Variants in PCDHGB3 observed in about 807,000 individuals in gnomAD.
PCDHGB3 encodes the protein protocadherin gamma-B3.
In PCDHGB3, 40 loss-of-function variants were observed where a neutral mutation model predicts 59.2. The ratio of observed to expected loss-of-function variants is 0.68; its 90% CI spans 0.52 to 0.88. PCDHGB3 has a LOEUF of 0.88. Among genes scored for constraint, PCDHGB3 ranks in the 40% least tolerant of loss-of-function variants. The pLI is 0.00. For synonymous variants in PCDHGB3, 581 were observed against 503.6 expected (o/e 1.15, Z -2.06); for missense variants, 1,309 against 1,187.9 (o/e 1.10, Z -1.50).
chr5:141,376,773 G>C (rs1773367206), intron 1 of PCDHGB3: 1 of 400,516 alleles, frequency 2.5e-6, no homozygotes, highest in South Asian at 3.1e-5. Context: ...TGCAAGCTCC[G>C]CTTCCCGGGT....
chr5:141,472,364 AC>A (rs2099278314), intron 1 of PCDHGB3, among the ~76,000 whole-genome samples: 1 of 151,866 alleles, frequency 6.6e-6, no homozygotes, highest in Non-Finnish European at 1.5e-5. Flanking sequence ...ACACGGTGAA[AC>A]CCCGTCTCCA....
chr5:141,470,323 A>C (rs1029928511), intron 1 of PCDHGB3, among the ~76,000 whole-genome samples: 1 of 152,188 alleles, frequency 6.6e-6, no homozygotes, highest in African/African-American at 2.4e-5. Flanking sequence ...AAATGATCCC[A>C]TAATTTGACC....
chr5:141,379,652 T>C (rs905079980), intron 1 of PCDHGB3: 2 of 152,132 alleles, frequency 1.3e-5, no homozygotes, highest in Non-Finnish European at 2.9e-5. Flanking sequence ...ACTACCAACT[T>C]CTACTCTCAC....
At chr5:141,425,957 C>A (rs1317696447) in intron 1 of PCDHGB3, among the ~76,000 whole-genome samples, 1 of 152,140 alleles carries the variant, frequency 6.6e-6, no homozygotes, top group Non-Finnish European at 1.5e-5. Context: ...TACATTAGTC[C>A]AACACATCAG....
chr5:141,436,040 C>A (rs989038133), intron 1 of PCDHGB3, among the ~76,000 whole-genome samples: 2 of 152,060 alleles, frequency 1.3e-5, no homozygotes, highest in African/African-American at 4.8e-5. Context: ...TTTGTATTTA[C>A]ATTAGTTTTC....
intron 1 of PCDHGB3, chr5:141,415,337 G>A: frequency 1.2e-6 from 2 of 1,614,210 alleles, no homozygotes; most frequent in Non-Finnish European, 1.7e-6. Flanking sequence ...CACAGGCTGC[G>A]GCGCTGGCAC....
At chr5:141,421,788 G>C (rs1262781272) in intron 1 of PCDHGB3, 7 of 1,613,682 alleles carry the variant, frequency 4.3e-6, no homozygotes, top group Admixed American at 3.3e-5. Flanking sequence ...GGGGCAGAAC[G>C]GATGGGGCCA....
intron 1 of PCDHGB3, chr5:141,389,495 G>A (rs751415442): frequency 4.3e-6 from 7 of 1,613,020 alleles, no homozygotes; most frequent in Non-Finnish European, 5.9e-6. Context: ...ACCAGGGCTC[G>A]CCAGCGCTCA....
rs762943415 is a variant in PCDHGB3 at position 141,371,924 on chromosome 5, G to C, written c.1530G>C (p.Arg510=). The C allele has an allele frequency of 6.2e-7, 1 of 1,613,364 alleles. No homozygotes were observed. Among genetic ancestry groups the C allele is most frequent in the Admixed American group, 1.7e-5 (1 of 60,038 alleles). The part of the protein sequence containing the change: ...ELSSYVSVSA[R]SGVVFAQRAF... ...CGTCCTACGTGTCCGTGAGCGCGCG[G>C]AGCGGGGTGGTGTTCGCGCAGCGAG... Residue 510 remains arginine (R), a synonymous_variant, in exon 1 of 4, where the codon CGG becomes CGC. Transcript: ENST00000576222.
intron 1 of PCDHGB3, chr5:141,394,449 A>G (rs773696678): frequency 2.5e-6 from 4 of 1,614,112 alleles, no homozygotes; most frequent in Admixed American, 1.7e-5. Context: ...CAGCAGCAAC[A>G]TGTCACTGAG....
At chr5:141,381,977 G>T (rs61025717) in intron 1 of PCDHGB3, among the ~76,000 whole-genome samples, 22 of 151,370 alleles carry the variant, frequency 1.5e-4, no homozygotes, top group African/African-American at 5.3e-4. Context: ...TTACAGGCGC[G>T]CGCCACCACG....
Position 141,489,806 on chromosome 5 carries a change from A to G in PCDHGB3, c.2416-5001A>G. 1 of 1,614,198 alleles carries G rather than the reference A, an allele frequency of 6.2e-7. No homozygotes were observed. Among genetic ancestry groups the G allele is most frequent in the South Asian group, 1.1e-5 (1 of 91,082 alleles). Reference sequence around the variant, plus strand: ...AATGTGAAGACCCTAAAAGATGGGAAGCCATTCCCAGAGCTGGTGCTAGAG... The same window carrying G: ...AATGTGAAGACCCTAAAAGATGGGAGGCCATTCCCAGAGCTGGTGCTAGAG... On this transcript the variant is annotated intron_variant, in intron 1 of 3. Coordinates refer to ENST00000576222, the MANE Select transcript of PCDHGB3 (RefSeq NM_018924.5). The surrounding 1 kb of genome is among the most constrained non-coding windows in gnomAD (Gnocchi z 4.5).
At chr5:141,481,346 C>T (rs2099536003) in intron 1 of PCDHGB3, among the ~76,000 whole-genome samples, 1 of 152,248 alleles carries the variant, frequency 6.6e-6, no homozygotes, top group Non-Finnish European at 1.5e-5. Context: ...ATTATTTAAA[C>T]ATCTACAGCT....
intron 1 of PCDHGB3, among the ~76,000 whole-genome samples, chr5:141,434,495 G>A (rs1414485396): frequency 6.6e-6 from 1 of 152,220 alleles, no homozygotes; most frequent in Non-Finnish European, 1.5e-5. Flanking sequence ...GGCCCGCCCA[G>A]GGCAGAAAAC....
chr5:141,382,997 A>G lies in PCDHGB3; in HGVS notation c.2415+10188A>G, dbSNP rs1209270277. On this transcript the variant is annotated intron_variant, in intron 1 of 3. Transcript: ENST00000576222. Reference sequence around the variant, plus strand: ...GAAGCCTGGGCAGGACGTATTCTCTACTCCGTGTCGGAGGAGACGGACAAA... The same window carrying G: ...GAAGCCTGGGCAGGACGTATTCTCTGCTCCGTGTCGGAGGAGACGGACAAA... 1 of 1,613,426 alleles carries G rather than the reference A, an allele frequency of 6.2e-7. No individual in the cohort carries two copies. Among genetic ancestry groups the G allele is most frequent in the Non-Finnish European group, 8.5e-7 (1 of 1,179,728 alleles).
intron 1 of PCDHGB3, chr5:141,415,732 T>G (rs1159160519): frequency 5.0e-6 from 7 of 1,411,138 alleles, no homozygotes; most frequent in Non-Finnish European, 6.5e-6. Context: ...AATTTGATGT[T>G]TATTAAGGTT....
intron 1 of PCDHGB3, chr5:141,423,309 G>T (rs1401836240): frequency 6.2e-7 from 1 of 1,614,176 alleles, no homozygotes; most frequent in South Asian, 1.1e-5. Context: ...CGCTGTACTT[G>T]GTGGTGGCGG....
intron 1 of PCDHGB3, among the ~76,000 whole-genome samples, chr5:141,466,360 G>A (rs2099121274): frequency 6.6e-6 from 1 of 152,070 alleles, no homozygotes; most frequent in South Asian, 2.1e-4. Context: ...TAATCTAGAT[G>A]TAATGGTTTT....
rs1005709757 is a variant in PCDHGB3 at position 141,495,051 on chromosome 5, A to G, written c.2474+186A>G. Among the ~76,000 whole-genome samples, 3 of 152,042 alleles carry G rather than the reference A, an allele frequency of 2.0e-5. No homozygotes were observed. In the East Asian group the frequency reaches 5.8e-4, roughly 29 times the overall value. On this transcript the variant is annotated intron_variant, in intron 2 of 3. Transcript: ENST00000576222. ...CCGGAAGGAAGAGGCGACTGCCCTG[A>G]CTGTTCAGGAAGCTCAATTCACATG... is the stretch of plus-strand genomic sequence containing the variant.
Sources: allele counts gnomAD v4.1 joint callset (sites outside exome capture counted in the v4.1 genomes callset), GRCh38; gene constraint gnomAD v4.1.1; non-coding constraint Gnocchi (gnomAD v3.1); transcripts MANE v1.5; gene names NCBI Gene and HGNC (gene_info 2026-07-23, HGNC 2026-07-21).